Variants in NTM observed in about 807,000 individuals in gnomAD.
NTM encodes the protein neurotrimin.
A neutral mutation model predicts 42.1 loss-of-function variants in NTM; 13 were observed. The observed-to-expected ratio is 0.31, with a 90% CI of 0.20 to 0.49. The LOEUF is 0.49. Ranked by LOEUF, NTM falls within the 20% of genes least tolerant of loss-of-function variation. The pLI is 0.99. For missense variants in NTM, 373 were observed against 452.8 expected, an observed-to-expected ratio of 0.82 and a Z score of 1.60; for synonymous variants, 187 against 179.2, an observed-to-expected ratio of 1.04 and a Z score of -0.35.
At chr11:131,739,446 T>C (rs1386022271) in intron 1 of NTM, among the ~76,000 whole-genome samples, 1 of 152,204 alleles carries the variant, frequency 6.6e-6, no homozygotes, top group African/African-American at 2.4e-5. Context: ...CTGCCATTAT[T>C]GCATCAGTGC....
At chr11:131,567,128 C>T (rs1383110495) in intron 1 of NTM, among the ~76,000 whole-genome samples, 4 of 151,998 alleles carry the variant, frequency 2.6e-5, no homozygotes, top group African/African-American at 7.3e-5. Context: ...GTCTTTTCCT[C>T]ATCACCAGAG....
intron 4 of NTM, among the ~76,000 whole-genome samples, chr11:132,268,705 A>G (rs960926384): frequency 7.0e-6 from 1 of 143,654 alleles, no homozygotes; most frequent in Non-Finnish European, 1.5e-5. Flanking sequence ...TGTGTTTTAG[A>G]TAGTGCGTTA....
intron 4 of NTM, among the ~76,000 whole-genome samples, chr11:132,244,094 C>T (rs576127809): frequency 3.9e-5 from 6 of 152,320 alleles, no homozygotes; most frequent in South Asian, 2.1e-4. Context: ...CAGGGAGAGA[C>T]GGGCCCTCTG....
intron 1 of NTM, among the ~76,000 whole-genome samples, chr11:131,568,691 C>G (rs2057138516): frequency 6.6e-6 from 1 of 152,138 alleles, no homozygotes; most frequent in Non-Finnish European, 1.5e-5. Context: ...GAATCCACAG[C>G]CTAGGTCCAC....
intron 2 of NTM, among the ~76,000 whole-genome samples, chr11:131,941,190 G>C (rs1281747496): frequency 6.6e-6 from 1 of 152,190 alleles, no homozygotes; most frequent in Non-Finnish European, 1.5e-5. Context: ...CTTATTAGCT[G>C]ACATTTTTCA....
At chr11:131,988,257 T>C (rs1301998776) in intron 2 of NTM, among the ~76,000 whole-genome samples, 1 of 152,248 alleles carries the variant, frequency 6.6e-6, no homozygotes, top group Non-Finnish European at 1.5e-5. Context: ...TCATTAAGTT[T>C]CAACATAGAA....
intron 1 of NTM, among the ~76,000 whole-genome samples, chr11:131,504,198 C>A (rs1272421245): frequency 6.6e-6 from 1 of 152,218 alleles, no homozygotes; most frequent in African/African-American, 2.4e-5. Flanking sequence ...CCTCTGTCCT[C>A]ACCCTTCCTA....
intron 3 of NTM, among the ~76,000 whole-genome samples, chr11:132,158,545 G>A (rs1198170198): frequency 6.6e-6 from 1 of 152,182 alleles, no homozygotes; most frequent in Non-Finnish European, 1.5e-5. Context: ...ATGATGGTGG[G>A]GCTTGATCTG....
chr11:131,469,513 G>A (rs1425811640), intron 1 of NTM, among the ~76,000 whole-genome samples: 1 of 152,186 alleles, frequency 6.6e-6, no homozygotes, highest in Non-Finnish European at 1.5e-5. Flanking sequence ...CAGATAGACA[G>A]ATAACTGACT....
At position 131,999,041 on chromosome 11, in the gene NTM, T is replaced by A. The variant is rs150522726; in HGVS notation, c.167+87393T>A. 3.0e-3 allele frequency among the ~76,000 whole-genome samples: 453 copies of A among 152,280 alleles called. 2 individuals are homozygous for A. The highest frequency in any genetic ancestry group is 0.01 in the African/African-American group (431 of 41,566). ...CAGAATCACTCAGCCCCAGCTGAAC[T>A]GCCATGCTGACAACCTGAGGATCAA... On this transcript the variant is annotated intron_variant, in intron 2 of 8. Transcript: ENST00000683400.
chr11:131,396,474 A>G (rs1944568719), intron 1 of NTM, among the ~76,000 whole-genome samples: 1 of 152,128 alleles, frequency 6.6e-6, no homozygotes, highest in Non-Finnish European at 1.5e-5. Context: ...ATATTTCACC[A>G]GCCATAAAAG....
At chr11:131,650,520 CT>C (rs1222145742) in intron 1 of NTM, among the ~76,000 whole-genome samples, 2 of 152,158 alleles carry the variant, frequency 1.3e-5, no homozygotes, top group African/African-American at 4.8e-5. Context: ...TCAGTAAAGA[CT>C]ATTTTACTAT....
intron 1 of NTM, among the ~76,000 whole-genome samples, chr11:131,585,828 T>C (rs1361101813): frequency 7.9e-5 from 12 of 152,230 alleles, no homozygotes; most frequent in Non-Finnish European, 1.8e-4. Flanking sequence ...TTTTTCCCAC[T>C]GTGGCTCCAG....
At chr11:131,425,225 T>C (rs899285997) in intron 1 of NTM, among the ~76,000 whole-genome samples, 32 of 152,252 alleles carry the variant, frequency 2.1e-4, no homozygotes, top group Admixed American at 1.7e-3. Flanking sequence ...CTTGGAGTGT[T>C]TGTTTTTGGT....
intron 7 of NTM, chr11:132,315,064 C>A: frequency 1.9e-6 from 2 of 1,041,218 alleles, no homozygotes; most frequent in Middle Eastern, 4.5e-4. Flanking sequence ...CTTTGGAATG[C>A]CAAAAATGAC....
At chr11:131,822,643 G>A (rs531891733) in intron 1 of NTM, among the ~76,000 whole-genome samples, 2 of 152,256 alleles carry the variant, frequency 1.3e-5, no homozygotes, top group South Asian at 4.2e-4. Flanking sequence ...CCAACAAGTC[G>A]TTTTTCATGG....
At chr11:131,641,776 G>A (rs1334656200) in intron 1 of NTM, among the ~76,000 whole-genome samples, 1 of 150,884 alleles carries the variant, frequency 6.6e-6, no homozygotes, top group East Asian at 1.9e-4. Context: ...TCCCAGGCTG[G>A]AGTGCAGTAG....
At chr11:131,796,128 T>C (rs1240857781) in intron 1 of NTM, 1 of 985,260 alleles carries the variant, frequency 1.0e-6, no homozygotes, top group Non-Finnish European at 1.2e-6. Flanking sequence ...CCACAGGAAG[T>C]TGAAGGACTG....
intron 3 of NTM, among the ~76,000 whole-genome samples, chr11:132,175,710 C>T (rs1465179362): frequency 6.6e-6 from 1 of 152,056 alleles, no homozygotes; most frequent in Non-Finnish European, 1.5e-5. Flanking sequence ...GCCTCAGCCT[C>T]CCGAGTAGCT....
Sources: gnomAD v4.1 joint callset for allele counts (sites outside exome capture counted in the v4.1 genomes callset) on GRCh38, gnomAD v4.1.1 for gene constraint, MANE v1.5 for transcripts, NCBI Gene and HGNC (gene_info 2026-07-23, HGNC 2026-07-21) for gene names.